BAIAP2L2: variants seen among roughly 807,000 people sequenced by gnomAD.
BAIAP2L2 encodes BAR/IMD domain containing adaptor protein 2 like 2.
Under a neutral mutation model 60.4 loss-of-function variants are expected in BAIAP2L2, and 65 were observed. The observed-to-expected ratio is 1.08, with a 90% CI of 0.88 to 1.32. BAIAP2L2 has a LOEUF of 1.32. Ranked by LOEUF, BAIAP2L2 falls within the 40% of genes most tolerant of loss-of-function variation. BAIAP2L2 has a pLI of 0.00. For synonymous variants in BAIAP2L2, 344 were observed against 301.7 expected, an observed-to-expected ratio of 1.14 and a Z score of -1.45; for missense variants, 836 against 741.2, an observed-to-expected ratio of 1.13 and a Z score of -1.48.
intron 2 of BAIAP2L2, 146 bp from the exon 3 acceptor site, chr22:38,108,487 C>T (rs1352383382): frequency 6.3e-6 from 4 of 631,432 alleles, no homozygotes; most frequent in South Asian, 2.1e-5. Flanking sequence ...ACCAGTTGAG[C>T]TGTGAAACTC....
intron 7 of BAIAP2L2, chr22:38,090,461 A>C (rs993390450): frequency 4.6e-5 from 7 of 151,900 alleles, no homozygotes; most frequent in Admixed American, 2.6e-4. Flanking sequence ...ACTCAGTCAT[A>C]ATAAAATCCC....
At chr22:38,109,906 T>C (rs1216209212) in intron 1 of BAIAP2L2, among the ~76,000 whole-genome samples, 3 of 150,394 alleles carry the variant, frequency 2.0e-5, no homozygotes, top group Non-Finnish European at 3.0e-5. Context: ...ACCTCACAGG[T>C]GGGTGGTGTG....
In BAIAP2L2 at chr22:38,085,227, G is replaced by T; in HGVS notation, c.*73C>A. The T allele has an allele frequency of 6.7e-7, 1 of 1,497,004 alleles. No individual in the cohort carries two copies. Among genetic ancestry groups the T allele is most frequent in the Non-Finnish European group, 9.2e-7 (1 of 1,082,934 alleles). The allele number at this position is 1,497,004 out of a possible 1,614,324, so 92.7% of individuals were successfully genotyped here. A position where few individuals can be genotyped will look rare whatever the true frequency, so the allele number is the denominator to read the frequency against. On this transcript the variant is annotated 3_prime_UTR_variant, in exon 14 of 14. Transcript: ENST00000381669. ...GCTTCTTGGATCTGCTGCTGTTGCT[G>T]CTGTCGCTGCCATTGCCAGCTCTGA...
chr22:38,098,096 C>T lies in BAIAP2L2; in HGVS notation c.432G>A (p.Glu144=), dbSNP rs751345794. The T allele has an allele frequency of 3.1e-5, 50 of 1,607,608 alleles. No homozygotes were observed. Among genetic ancestry groups the T allele is most frequent in the South Asian group, 5.5e-5 (5 of 90,976 alleles). ...EKCMSELWRM[E]RKRDKNVREM... is the part of the protein sequence containing the mutation. Reference sequence around the variant, plus strand: ...CCCGCACGTTCTTGTCTCTCTTGCGCTCCATGCGCCACAGCTCAGACATGC... The same window carrying T: ...CCCGCACGTTCTTGTCTCTCTTGCGTTCCATGCGCCACAGCTCAGACATGC... The change falls in exon 6 of 14, where the codon GAG becomes GAA. Residue 144 remains glutamate, a synonymous_variant. Coordinates refer to ENST00000381669, the MANE Select transcript of BAIAP2L2 (RefSeq NM_025045.6).
intron 4 of BAIAP2L2, 107 bp from the exon 5 acceptor site, chr22:38,098,589 A>G (rs1182319936): frequency 2.5e-6 from 2 of 811,164 alleles, no homozygotes; most frequent in Non-Finnish European, 3.9e-6. Context: ...TGCTCCTAAT[A>G]TACCAGGCAC....
chr22:38,097,491 G>C (rs2086464856), intron 6 of BAIAP2L2, among the ~76,000 whole-genome samples: 1 of 152,232 alleles, frequency 6.6e-6, no homozygotes, highest in Non-Finnish European at 1.5e-5. Flanking sequence ...CGGGTTTAAT[G>C]AGAATATGAA....
At chr22:38,096,714 T>A in intron 7 of BAIAP2L2, among the ~76,000 whole-genome samples, 1 of 152,136 alleles carries the variant, frequency 6.6e-6, no homozygotes, top group East Asian at 1.9e-4. Context: ...AGCACACCTA[T>A]CAATGAATTT....
intron 4 of BAIAP2L2, among the ~76,000 whole-genome samples, chr22:38,099,244 C>G (rs2086514184): frequency 6.6e-6 from 1 of 152,216 alleles, no homozygotes; most frequent in Admixed American, 6.5e-5. Context: ...ACAGGAAAGG[C>G]TTGACCAGCC....
chr22:38,098,032 C>CG, intron 6 of BAIAP2L2, 31 bp downstream of exon 6: 1 of 1,429,560 alleles, frequency 7.0e-7, no homozygotes, highest in Non-Finnish European at 9.8e-7. Flanking sequence ...CCCGCCCTTC[C>CG]TGGCCCACCC....
chr22:38,088,812 C>T lies in BAIAP2L2; in HGVS notation c.1054G>A (p.Val352Met). 1.9e-6 allele frequency: 3 copies of T among 1,601,244 alleles called. No homozygotes were observed. The highest frequency in any genetic ancestry group is 2.7e-5 in the African/African-American group (2 of 75,022). ...TGGGCCTCGGGCACCAACACCTCCA[C>T]CACGTCCCCAGCGGAGAAGCGCAGC... ...TLLRFSAGDV[V>M]EVLVPEAQNG... is the part of the protein sequence containing the mutation. The change falls in exon 10 of 14, where the codon GTG becomes ATG. Residue 352 changes from valine (V) to methionine (M), a missense_variant. By Grantham distance (21) the Val-to-Met change is conservative. Coordinates refer to ENST00000381669, the MANE Select transcript of BAIAP2L2 (RefSeq NM_025045.6).
At chr22:38,097,281 GC>G in intron 6 of BAIAP2L2, 103 bp from the exon 7 acceptor site, 1 of 1,344,322 alleles carries the variant, frequency 7.4e-7, no homozygotes, top group Non-Finnish European at 1.0e-6. Context: ...CTTCCTGACT[GC>G]CCTCTCCCCA....
chr22:38,095,578 TG>T (rs897691929), intron 7 of BAIAP2L2, among the ~76,000 whole-genome samples: 1 of 152,138 alleles, frequency 6.6e-6, no homozygotes, highest in Non-Finnish European at 1.5e-5. Context: ...TTGGCCAGGC[TG>T]GTCTCGAACT....
chr22:38,103,995 G>C (rs1187386302), intron 4 of BAIAP2L2, among the ~76,000 whole-genome samples: 1 of 152,050 alleles, frequency 6.6e-6, no homozygotes, highest in African/African-American at 2.4e-5. Flanking sequence ...GTAAATAAAA[G>C]TACTACATAA....
In BAIAP2L2 at chr22:38,089,199, G is replaced by C. The variant is rs374093364; in HGVS notation, c.798C>G (p.Pro266=). The C allele has an allele frequency of 3.1e-6, 4 of 1,281,088 alleles. No individual in the cohort carries two copies. The African/African-American group carries it at 4.7e-5, about 15-fold the overall frequency. The allele number at this position is 1,281,088 out of a possible 1,614,324, so 79.4% of individuals were successfully genotyped here. The change falls in exon 9 of 14, where the codon CCC becomes CCG. Residue 266 remains proline (P), a synonymous_variant. Transcript: ENST00000381669. The part of the protein sequence containing the change: ...PPRPLGEFSS[P]RSRHGSGSYG... ...AGGAGCCGGAGCCGTGCCGGCTGCG[G>C]GGGGAGCTGAACTCTCCCAGGGGCC...
At chr22:38,087,285 A>G in intron 10 of BAIAP2L2, 21 bp from the exon 11 acceptor site, 1 of 1,589,438 alleles carries the variant, frequency 6.3e-7, no homozygotes, top group Non-Finnish European at 8.5e-7. Context: ...GAGGCAGAGG[A>G]CAATGACCAA....
At chr22:38,098,032 C>CGACA in intron 6 of BAIAP2L2, 31 bp downstream of exon 6, 1 of 1,429,562 alleles carries the variant, frequency 7.0e-7, no homozygotes, top group Non-Finnish European at 9.8e-7. Flanking sequence ...CCCGCCCTTC[C>CGACA]TGGCCCACCC....
chr22:38,091,888 A>G (rs1161515443), intron 7 of BAIAP2L2, among the ~76,000 whole-genome samples: 3 of 152,200 alleles, frequency 2.0e-5, no homozygotes, highest in East Asian at 3.8e-4. Flanking sequence ...TTGAAACATG[A>G]AAAGATGTCA....
Position 38,098,056 on chromosome 22 carries a change from C to G in BAIAP2L2, c.465+7G>C, listed in dbSNP as rs937589890. ...CCTGGCCCACCCCCGCTTCCCGGCC[C>G]TCGCACCTTCATCTCCCGCACGTTC... On this transcript the variant is annotated splice_region_variant and intron_variant, in intron 6 of 13. Transcript: ENST00000381669. 14 of 1,522,960 alleles carry G rather than the reference C, an allele frequency of 9.2e-6. No homozygotes were observed. Among genetic ancestry groups the G allele is most frequent in the Middle Eastern group, 1.8e-4 (1 of 5,590 alleles). The allele number at this position is 1,522,960 out of a possible 1,614,324, so 94.3% of individuals were successfully genotyped here. A position where few individuals can be genotyped will look rare whatever the true frequency, so the allele number is the denominator to read the frequency against.
Position 38,086,445 on chromosome 22 carries a change from A to G in BAIAP2L2, c.1264T>C (p.Tyr422His), listed in dbSNP as rs2086075921. 6.7e-7 allele frequency: 1 copy of G among 1,498,974 alleles called. No homozygotes were observed. Among genetic ancestry groups the G allele is most frequent in the Non-Finnish European group, 8.9e-7 (1 of 1,117,868 alleles). The allele number at this position is 1,498,974 out of a possible 1,614,324, so 92.9% of individuals were successfully genotyped here. ...AGGCTGTGGCTGCCCCGGAGTGGGT[A>G]GGACCTAAGTCCAGAGAAAGGAGGG... ...NPGNELPSRS[Y>H]PLRGSHSLDD... The change falls in exon 12 of 14, where the codon TAC (tyrosine) becomes CAC (histidine). Residue 422 changes from tyrosine to histidine, a missense_variant. Coordinates refer to ENST00000381669, the MANE Select transcript of BAIAP2L2 (RefSeq NM_025045.6).
Sources: allele counts gnomAD v4.1 joint callset (sites outside exome capture counted in the v4.1 genomes callset), GRCh38; gene constraint gnomAD v4.1.1; transcripts MANE v1.5; gene names NCBI Gene and HGNC (gene_info 2026-07-23, HGNC 2026-07-21).